The following ITFG1 variants were observed in gnomAD, a reference collection of about 807,000 sequenced individuals.
ITFG1 encodes integrin alpha FG-GAP repeat containing 1.
A neutral mutation model predicts 81.8 loss-of-function variants in ITFG1; 34 were observed. The observed-to-expected ratio is 0.42, with a 90% CI of 0.32 to 0.55. The LOEUF (loss-of-function observed/expected upper bound fraction) is 0.55. Ranked by LOEUF, ITFG1 falls within the 20% of genes least tolerant of loss-of-function variation. The probability of loss-of-function intolerance (pLI) is 0.17; values close to 1 mark genes in which losing one functional copy is unlikely to be tolerated. For synonymous variants in ITFG1, 285 were observed against 270.6 expected (o/e 1.05, Z -0.52); for missense variants, 672 against 755.4 (o/e 0.89, Z 1.29).
chr16:47,297,383 T>C (rs1183397489), intron 10 of ITFG1, among the ~76,000 whole-genome samples: 4 of 152,142 alleles, frequency 2.6e-5, no homozygotes, highest in Non-Finnish European at 4.4e-5. Flanking sequence ...TTCCATCAAT[T>C]TATATCTTTT....
intron 8 of ITFG1, among the ~76,000 whole-genome samples, chr16:47,328,894 T>A (rs542845362): frequency 6.6e-6 from 1 of 152,142 alleles, no homozygotes; most frequent in Non-Finnish European, 1.5e-5. Flanking sequence ...TACAATCCTA[T>A]TTTTTGCTTT....
chr16:47,160,586 T>TA (rs958164740), intron 16 of ITFG1, among the ~76,000 whole-genome samples: 4 of 151,958 alleles, frequency 2.6e-5, no homozygotes, highest in Admixed American at 6.6e-5. Context: ...ACAGGCTCAT[T>TA]AAAAAAAATC....
intron 12 of ITFG1, among the ~76,000 whole-genome samples, chr16:47,250,596 A>G (rs1475499097): frequency 1.3e-5 from 2 of 152,232 alleles, no homozygotes; most frequent in Non-Finnish European, 2.9e-5. Context: ...AACAGAAAAC[A>G]TATTGGTTCC....
intron 16 of ITFG1, 84 bp from the exon 17 acceptor site, chr16:47,159,074 C>T (rs942953691): frequency 2.4e-5 from 14 of 580,176 alleles, no homozygotes; most frequent in African/African-American, 1.6e-4. Context: ...AGCAAAATAG[C>T]TTATTAATTA....
intron 10 of ITFG1, among the ~76,000 whole-genome samples, chr16:47,303,832 G>C (rs1409133464): frequency 1.3e-5 from 2 of 152,086 alleles, no homozygotes; most frequent in Admixed American, 6.5e-5. Flanking sequence ...GTCCCACTAT[G>C]TTGCCCAGGC....
At chr16:47,266,862 A>G (rs895221536) in intron 10 of ITFG1, among the ~76,000 whole-genome samples, 1 of 152,188 alleles carries the variant, frequency 6.6e-6, no homozygotes, top group Non-Finnish European at 1.5e-5. Context: ...ACAAAATTCT[A>G]TTTGGCCAAA....
At chr16:47,179,159 G>C (rs1485910362) in intron 14 of ITFG1, among the ~76,000 whole-genome samples, 2 of 152,330 alleles carry the variant, frequency 1.3e-5, no homozygotes, top group East Asian at 3.9e-4. Flanking sequence ...CATTGTGGAA[G>C]ACAGTGTGGC....
intron 10 of ITFG1, among the ~76,000 whole-genome samples, chr16:47,282,882 C>A (rs1041260346): frequency 6.6e-6 from 1 of 151,994 alleles, no homozygotes; most frequent in Non-Finnish European, 1.5e-5. Context: ...ACTTGTATGT[C>A]TTTGTCTGAA....
chr16:47,314,970 T>G (rs1183416405), intron 8 of ITFG1, among the ~76,000 whole-genome samples: 3 of 152,092 alleles, frequency 2.0e-5, no homozygotes, highest in African/African-American at 7.2e-5. Flanking sequence ...AAAAAAGAAT[T>G]TTAGGCTGAG....
intron 12 of ITFG1, among the ~76,000 whole-genome samples, chr16:47,248,620 A>C (rs1394051802): frequency 6.6e-6 from 1 of 152,202 alleles, no homozygotes; most frequent in Non-Finnish European, 1.5e-5. Context: ...TAATTTCCCC[A>C]GTGATATCAG....
At chr16:47,180,705 G>A (rs540199563) in intron 14 of ITFG1, among the ~76,000 whole-genome samples, 9 of 152,106 alleles carry the variant, frequency 5.9e-5, no homozygotes, top group Admixed American at 5.9e-4. Context: ...CCCAGGCTGG[G>A]GTGCAGTGGC....
At chr16:47,180,271 A>G (rs1301701837) in intron 14 of ITFG1, among the ~76,000 whole-genome samples, 3 of 151,576 alleles carry the variant, frequency 2.0e-5, no homozygotes, top group Admixed American at 6.6e-5. Context: ...TGGGCTTTGA[A>G]TAACAACATG....
intron 8 of ITFG1, among the ~76,000 whole-genome samples, chr16:47,362,888 C>CTTATTTAT (rs199766083): frequency 6.6e-5 from 10 of 151,692 alleles, no homozygotes; most frequent in African/African-American, 2.4e-4. Context: ...TTCTTTCTTT[C>CTTATTTAT]TTATTTATTT....
At chr16:47,299,954 A>C (rs562742973) in intron 10 of ITFG1, 1 of 152,270 alleles carries the variant, frequency 6.6e-6, no homozygotes, top group African/African-American at 2.4e-5. Flanking sequence ...AAAAGGTAGG[A>C]TAAAGAGTGG....
chr16:47,242,965 C>T (rs1965953290), intron 12 of ITFG1, among the ~76,000 whole-genome samples: 2 of 151,966 alleles, frequency 1.3e-5, no homozygotes, highest in Non-Finnish European at 2.9e-5. Flanking sequence ...TAGAGCTGTG[C>T]ACTTATGTAT....
At chr16:47,235,276 G>A (rs1048666509) in intron 13 of ITFG1, among the ~76,000 whole-genome samples, 10 of 152,188 alleles carry the variant, frequency 6.6e-5, no homozygotes, top group Non-Finnish European at 1.0e-4. Flanking sequence ...GGTACTGGCA[G>A]AAGTAATGTT....
At chr16:47,355,467 C>T (rs1252074304) in intron 8 of ITFG1, among the ~76,000 whole-genome samples, 1 of 152,092 alleles carries the variant, frequency 6.6e-6, no homozygotes, top group Non-Finnish European at 1.5e-5. Context: ...TTCTACTGCA[C>T]AGTAGGGTGA....
Position 47,459,147 on chromosome 16 carries a change from G to T in ITFG1, c.237C>A (p.Asp79Glu), listed in dbSNP as rs1454663204. Residue 79 changes from aspartate to glutamate, a missense_variant, in exon 2 of 18, where the codon GAC becomes GAA. This residue lies in a region of ITFG1 where 560 missense variants were observed against 625.7 expected (regional missense o/e 0.90). Transcript: ENST00000320640. ...ERNDLIVFLA[D>E]QNAPYFKPKV... ...TGGGTTTAAAATAGGGTGCATTCTG[G>T]TCTGCCAAAAAGACGATTAAGTCAT... The T allele has an allele frequency of 1.2e-6, 2 of 1,600,836 alleles. No homozygotes were observed. The highest frequency in any genetic ancestry group is 1.3e-5 in the African/African-American group (1 of 74,630).
At chr16:47,306,800 A>G (rs1358715943) in intron 10 of ITFG1, among the ~76,000 whole-genome samples, 1 of 152,108 alleles carries the variant, frequency 6.6e-6, no homozygotes, top group Non-Finnish European at 1.5e-5. Context: ...TGAAATAATA[A>G]AACGGAGAAA....
Sources: allele counts gnomAD v4.1 joint callset (sites outside exome capture counted in the v4.1 genomes callset), GRCh38; gene constraint gnomAD v4.1.1; regional missense constraint gnomAD v4.1.1; transcripts MANE v1.5; gene names NCBI Gene and HGNC (gene_info 2026-07-23, HGNC 2026-07-21).